The following CNTNAP3B variants were observed in gnomAD, a reference collection of about 807,000 sequenced individuals.
The protein encoded by CNTNAP3B is contactin-associated protein-like 3B.
CNTNAP3B carries 25 observed loss-of-function variants against 108.9 expected under a neutral mutation model. The observed-to-expected ratio is 0.23, with a 90% CI of 0.17 to 0.32. The LOEUF is 0.32. Among genes scored for constraint, CNTNAP3B ranks in the 10% least tolerant of loss-of-function variants. The pLI is 1.00. For missense variants in CNTNAP3B, 252 were observed against 1,210.4 expected, an observed-to-expected ratio of 0.21 and a Z score of 11.75; for synonymous variants, 103 against 473.4, an observed-to-expected ratio of 0.22 and a Z score of 10.16.
chr9:41,990,979 T>A (rs1052408132), intron 8 of CNTNAP3B, among the ~76,000 whole-genome samples: 1 of 135,062 alleles, frequency 7.4e-6, no homozygotes, highest in African/African-American at 3.0e-5. Flanking sequence ...TTGTTCTCCC[T>A]GCAAAGGAGA....
chr9:42,036,751 A>T (rs1826640413), intron 3 of CNTNAP3B, among the ~76,000 whole-genome samples: 2 of 138,210 alleles, frequency 1.4e-5, no homozygotes, highest in Non-Finnish European at 3.1e-5. Context: ...CTGCCTCCAC[A>T]AGTGGGTCCC....
chr9:41,918,475 C>A (rs1406970566), intron 18 of CNTNAP3B, among the ~76,000 whole-genome samples: 1 of 145,424 alleles, frequency 6.9e-6, no homozygotes, highest in South Asian at 2.2e-4. Flanking sequence ...CACACACCCC[C>A]CAAATATATC....
chr9:41,915,768 T>C (rs949401052), intron 18 of CNTNAP3B, among the ~76,000 whole-genome samples: 2 of 149,330 alleles, frequency 1.3e-5, no homozygotes, highest in African/African-American at 5.0e-5. Context: ...TCTCATTCTA[T>C]TAATCTTGTG....
rs1286462929 is a variant in CNTNAP3B, at chr9:42,124,640, AG to A, written c.85+4369del. Among the ~76,000 whole-genome samples, 5 of 124,784 alleles carry A rather than the reference AG, an allele frequency of 4.0e-5. 1 individual carries two copies. In the Admixed American group the frequency reaches 4.1e-4, roughly 10 times the overall value. The allele number at this position is 124,784 out of a possible 152,430, so 81.9% of individuals were successfully genotyped here. On this transcript the variant is annotated intron_variant, in intron 1 of 23. Transcript: ENST00000377561. ...ACCTTTCAGCTAAGAGTCTCGTCAA[AG>A]GTGCGGAAGCCCATTACAGAAGACC...
At chr9:41,997,366 T>G (rs1268024034) in intron 6 of CNTNAP3B, among the ~76,000 whole-genome samples, 1 of 152,218 alleles carries the variant, frequency 6.6e-6, no homozygotes, top group African/African-American at 2.4e-5. Context: ...ACACTGACTG[T>G]TTACTTCTTT....
chr9:41,979,893 T>C (rs1201615958), intron 9 of CNTNAP3B: 2 of 134,378 alleles, frequency 1.5e-5, no homozygotes, highest in Non-Finnish European at 3.0e-5. Flanking sequence ...AAGATATATA[T>C]ATATATATGT....
chr9:41,973,294 A>G (rs1286942016), intron 9 of CNTNAP3B, among the ~76,000 whole-genome samples: 2 of 140,828 alleles, frequency 1.4e-5, no homozygotes, highest in Non-Finnish European at 3.1e-5. Context: ...TTAGAAAAAA[A>G]AAAACTAAAA....
chr9:42,080,248 C>G (rs1480701934), intron 2 of CNTNAP3B, among the ~76,000 whole-genome samples: 2 of 136,554 alleles, frequency 1.5e-5, no homozygotes, highest in Non-Finnish European at 3.1e-5. Flanking sequence ...CTCCTGCTAA[C>G]AGATGACACA....
intron 17 of CNTNAP3B, among the ~76,000 whole-genome samples, chr9:41,920,712 G>T (rs1823643569): frequency 6.6e-6 from 1 of 152,304 alleles, no homozygotes; most frequent in Non-Finnish European, 1.5e-5. Flanking sequence ...ATAAGAATGT[G>T]CATTATAATG....
intron 2 of CNTNAP3B, among the ~76,000 whole-genome samples, chr9:42,079,493 T>C (rs576688567): frequency 1.6e-5 from 2 of 122,234 alleles, no homozygotes; most frequent in Non-Finnish European, 3.4e-5. Flanking sequence ...TTCTTATTAC[T>C]ATTTTAAGGG....
At chr9:41,941,082 A>G (rs1824328630) in intron 13 of CNTNAP3B, among the ~76,000 whole-genome samples, 1 of 150,092 alleles carries the variant, frequency 6.7e-6, no homozygotes, top group Non-Finnish European at 1.5e-5. Context: ...GATATTTAGA[A>G]GTGGGGAAGA....
intron 1 of CNTNAP3B, among the ~76,000 whole-genome samples, chr9:42,120,581 AT>A (rs1455192008): frequency 7.2e-6 from 1 of 138,606 alleles, no homozygotes; most frequent in Non-Finnish European, 1.5e-5. Context: ...CCAAATGTCA[AT>A]CAATGATAGA....
At chr9:42,047,500 GA>G (rs1826895218) in intron 3 of CNTNAP3B, among the ~76,000 whole-genome samples, 1 of 97,864 alleles carries the variant, frequency 1.0e-5, no homozygotes. Flanking sequence ...TAAATAGAAA[GA>G]AATGAGTCTA....
In CNTNAP3B at chr9:42,093,969, A is replaced by G. The variant is rs1163252955; in HGVS notation, c.196+10660T>C. Among the ~76,000 whole-genome samples, 4 of 125,900 alleles carry G rather than the reference A, an allele frequency of 3.2e-5. No homozygotes were observed. In the East Asian group the frequency reaches 1.0e-3, roughly 32 times the overall value. 82.6% of individuals were successfully genotyped at this position (125,900 alleles called of 152,430 possible). A position where few individuals can be genotyped will look rare whatever the true frequency, so the allele number is the denominator to read the frequency against. On this transcript the variant is annotated intron_variant, in intron 2 of 23. Transcript: ENST00000377561. ...TTTTACTCAAGTTAACTGTTTCATG[A>G]TAGGTACTTTACTAATCCCATTTTA...
chr9:41,952,512 G>A (rs1379657510), intron 13 of CNTNAP3B, among the ~76,000 whole-genome samples: 1 of 152,274 alleles, frequency 6.6e-6, no homozygotes, highest in Admixed American at 6.5e-5. Context: ...GGTGAGTCCT[G>A]CAGGGGACTG....
At chr9:41,935,694 G>T (rs1333583407) in intron 14 of CNTNAP3B, among the ~76,000 whole-genome samples, 19 of 152,232 alleles carry the variant, frequency 1.2e-4, no homozygotes, top group Non-Finnish European at 2.8e-4. Flanking sequence ...TCTTACTGTT[G>T]GATAGACCTG....
Position 42,075,018 on chromosome 9 carries a change from G to A in CNTNAP3B, c.390+1851C>T, listed in dbSNP as rs1181993208. On this transcript the variant is annotated intron_variant, in intron 3 of 23. Transcript: ENST00000377561. ...GTGCTGCCTCCGGAGGCTCTAGGGA[G>A]GGATCTGTTCTATGCCCATCTCCTA... Among the ~76,000 whole-genome samples the A allele has an allele frequency of 2.7e-5, 4 of 146,282 alleles. 1 individual carries two copies. The highest frequency in any genetic ancestry group is 1.1e-4 in the African/African-American group (4 of 37,588).
rs1334854485 is a variant in CNTNAP3B, at chr9:42,001,832, G to A, written c.539-3228C>T. ...TATTAGCAATGTGGACCCCTGACAC[G>A]TTAGTCTGTCACCATTAGATCAGGA... is the stretch of plus-strand genomic sequence containing the variant. On this transcript the variant is annotated intron_variant, in intron 4 of 23. Coordinates refer to ENST00000377561, the MANE Select transcript of CNTNAP3B (RefSeq NM_001201380.3). Among the ~76,000 whole-genome samples the A allele has an allele frequency of 4.4e-5, 6 of 135,134 alleles. No individual in the cohort carries two copies. The East Asian group carries it at 9.0e-4, about 20-fold the overall frequency. The allele number at this position is 135,134 out of a possible 152,430, so 88.7% of individuals were successfully genotyped here.
Position 42,119,669 on chromosome 9 carries a change from C to T in CNTNAP3B, c.85+9341G>A, listed in dbSNP as rs1182609432. Among the ~76,000 whole-genome samples the T allele has an allele frequency of 7.2e-5, 10 of 138,742 alleles. No homozygotes were observed. In the East Asian group the frequency reaches 1.1e-3, roughly 15 times the overall value. The allele number at this position is 138,742 out of a possible 152,430, so 91.0% of individuals were successfully genotyped here. On this transcript the variant is annotated intron_variant, in intron 1 of 23. Transcript: ENST00000377561. ...AGAACAGAGCCCTCAGAAATAATGC[C>T]ACATATCTACAACTATCTGATCTTT...
Sources: allele counts gnomAD v4.1 joint callset (sites outside exome capture counted in the v4.1 genomes callset), GRCh38; gene constraint gnomAD v4.1.1; transcripts MANE v1.5; gene names NCBI Gene and HGNC (gene_info 2026-07-23, HGNC 2026-07-21).